Variants in CHRM3 observed in about 807,000 individuals in gnomAD.
The protein encoded by CHRM3 is cholinergic receptor muscarinic 3.
In CHRM3, 11 loss-of-function variants were observed where a neutral mutation model predicts 41.8. That is an observed-to-expected ratio of 0.26 (90% CI 0.17 to 0.44). The LOEUF (loss-of-function observed/expected upper bound fraction) is 0.44. Ranked by LOEUF, CHRM3 falls within the 20% of genes least tolerant of loss-of-function variation. The pLI, the probability that CHRM3 is intolerant of heterozygous loss-of-function variation, is 1.00. For missense variants in CHRM3, 571 were observed against 745.4 expected, an observed-to-expected ratio of 0.77 and a Z score of 2.72; for synonymous variants, 297 against 301.4, an observed-to-expected ratio of 0.99 and a Z score of 0.15.
At chr1:239,575,743 A>G (rs1662270606) in intron 3 of CHRM3, among the ~76,000 whole-genome samples, 1 of 151,940 alleles carries the variant, frequency 6.6e-6, no homozygotes, top group Admixed American at 6.6e-5. Context: ...TTGCACTCCT[A>G]CAGGTGTGTA....
At chr1:239,536,345 C>T (rs1558299421) in intron 2 of CHRM3, among the ~76,000 whole-genome samples, 1 of 152,152 alleles carries the variant, frequency 6.6e-6, no homozygotes, top group Non-Finnish European at 1.5e-5. Context: ...TACAGTCATC[C>T]TCCTCCTGTT....
intron 4 of CHRM3, among the ~76,000 whole-genome samples, chr1:239,649,871 T>C (rs1163049120): frequency 1.3e-5 from 2 of 152,228 alleles, no homozygotes; most frequent in Non-Finnish European, 2.9e-5. Flanking sequence ...TTCCTTTTCC[T>C]AACTACAAGG....
rs531659871 is a variant in CHRM3 at position 239,681,550 on chromosome 1, C to T, written c.-147+3262C>T. The stretch of plus-strand genomic sequence containing the variant: ...AAGATCAAGCCTCTGTGTTTAAAAA[C>T]GTAGCTAAAAACATGTATATGACAT... On this transcript the variant is annotated intron_variant, in intron 5 of 6. Transcript: ENST00000676153. Among the ~76,000 whole-genome samples the T allele has an allele frequency of 2.6e-4, 40 of 152,218 alleles. No individual in the cohort carries two copies. In the South Asian group the frequency reaches 5.6e-3, roughly 21 times the overall value.
chr1:239,811,031 A>T (rs770092429), intron 5 of CHRM3, among the ~76,000 whole-genome samples: 2 of 152,228 alleles, frequency 1.3e-5, no homozygotes, highest in Non-Finnish European at 2.9e-5. Context: ...CAAATTAAAC[A>T]TATATGTGTG....
chr1:239,874,322 TATATAC>T (rs948348335), intron 6 of CHRM3, among the ~76,000 whole-genome samples: 3 of 102,084 alleles, frequency 2.9e-5, no homozygotes, highest in African/African-American at 1.0e-4. Context: ...TATATATATA[TATATAC>T]ACAGTTGACC....
Position 239,645,005 on chromosome 1 carries a change from C to T in CHRM3, c.-250+12719C>T, listed in dbSNP as rs556511423. Reference sequence around the variant, plus strand: ...AACACCATGCTCCCTGGTGTTCAACCTGTACTGCTACTTCCTCCATCAGCT... The same window carrying T: ...AACACCATGCTCCCTGGTGTTCAACTTGTACTGCTACTTCCTCCATCAGCT... On this transcript the variant is annotated intron_variant, in intron 4 of 6. Coordinates refer to ENST00000676153, the MANE Select transcript of CHRM3 (RefSeq NM_001375978.1). Among the ~76,000 whole-genome samples the T allele has an allele frequency of 2.5e-4, 38 of 152,328 alleles. No homozygotes were observed. In the South Asian group the frequency reaches 7.7e-3, roughly 31 times the overall value.
At position 239,913,693 on chromosome 1, in the gene CHRM3, A is replaced by C. The variant is rs529320551; in HGVS notation, c.*4469A>C. 1 of 167,084 alleles carries C rather than the reference A, an allele frequency of 6.0e-6. No homozygotes were observed. Among genetic ancestry groups the C allele is most frequent in the East Asian group, 1.9e-4 (1 of 5,188 alleles). The allele number at this position is 167,084 out of a possible 1,614,324, so 10.4% of individuals were successfully genotyped here. On this transcript the variant is annotated 3_prime_UTR_variant, in exon 7 of 7. Coordinates refer to ENST00000676153, the MANE Select transcript of CHRM3 (RefSeq NM_001375978.1). ...CTGGGAAGGGAGGCTCATGATAAGA[A>C]AATAAAAATGAGAAAAGAAGATCTA...
At chr1:239,533,684 T>A (rs12057489) in intron 2 of CHRM3, among the ~76,000 whole-genome samples, 1 of 145,092 alleles carries the variant, frequency 6.9e-6, no homozygotes, top group Non-Finnish European at 1.5e-5. Context: ...TGAGCCGAGA[T>A]TGGACCATTG....
At chr1:239,832,806 C>T (rs995271331) in intron 6 of CHRM3, among the ~76,000 whole-genome samples, 1 of 151,964 alleles carries the variant, frequency 6.6e-6, no homozygotes, top group Non-Finnish European at 1.5e-5. Context: ...TTGCACGTAT[C>T]GATATTATTA....
chr1:239,673,916 TA>T (rs1403666112), intron 4 of CHRM3, among the ~76,000 whole-genome samples: 1 of 152,114 alleles, frequency 6.6e-6, no homozygotes. Context: ...ACTCCAAATC[TA>T]AAACACTCCA....
chr1:239,691,073 G>A (rs1659668517), intron 5 of CHRM3, among the ~76,000 whole-genome samples: 1 of 152,046 alleles, frequency 6.6e-6, no homozygotes, highest in Non-Finnish European at 1.5e-5. Flanking sequence ...AATTTTGCTG[G>A]ACTCTAATGG....
chr1:239,882,960 G>A (rs928366398), intron 6 of CHRM3, among the ~76,000 whole-genome samples: 2 of 152,226 alleles, frequency 1.3e-5, no homozygotes, highest in African/African-American at 4.8e-5. Flanking sequence ...GCAGAGAAAG[G>A]CATCTCTTCA....
At chr1:239,820,107 T>A (rs879913531) in intron 5 of CHRM3, among the ~76,000 whole-genome samples, 12 of 152,316 alleles carry the variant, frequency 7.9e-5, no homozygotes, top group Admixed American at 7.8e-4. Context: ...ACTTCCCCTT[T>A]ACCCTCAGAA....
At chr1:239,671,047 C>T (rs925275232) in intron 4 of CHRM3, among the ~76,000 whole-genome samples, 13 of 152,238 alleles carry the variant, frequency 8.5e-5, no homozygotes, top group East Asian at 1.9e-4. Context: ...AGTTGCTTCC[C>T]GTCTCTGCCA....
At chr1:239,677,558 C>T (rs575136763) in intron 4 of CHRM3, among the ~76,000 whole-genome samples, 15 of 152,202 alleles carry the variant, frequency 9.9e-5, no homozygotes, top group Admixed American at 9.8e-4. Flanking sequence ...TGCTGAGTCA[C>T]CACAAAGCAG....
At chr1:239,530,216 T>C (rs1336194948) in intron 2 of CHRM3, among the ~76,000 whole-genome samples, 1 of 152,174 alleles carries the variant, frequency 6.6e-6, no homozygotes, top group Non-Finnish European at 1.5e-5. Flanking sequence ...ATTATTTTTT[T>C]TGTTACTTTT....
chr1:239,619,435 G>A (rs1668108063), intron 3 of CHRM3, among the ~76,000 whole-genome samples: 1 of 152,070 alleles, frequency 6.6e-6, no homozygotes, highest in Non-Finnish European at 1.5e-5. Flanking sequence ...CCTACATATA[G>A]AACAAAATAT....
chr1:239,769,181 C>T (rs530098485), intron 5 of CHRM3, among the ~76,000 whole-genome samples: 1 of 152,250 alleles, frequency 6.6e-6, no homozygotes, highest in East Asian at 1.9e-4. Flanking sequence ...TTGACACTTG[C>T]CTTTCCCTCC....
chr1:239,564,706 C>T (rs752099178), intron 3 of CHRM3, among the ~76,000 whole-genome samples: 5 of 152,116 alleles, frequency 3.3e-5, no homozygotes, highest in Non-Finnish European at 7.3e-5. Context: ...TCTTACCCCA[C>T]AGTCATTAAG....
Sources: allele counts gnomAD v4.1 joint callset (sites outside exome capture counted in the v4.1 genomes callset), GRCh38; gene constraint gnomAD v4.1.1; transcripts MANE v1.5; gene names NCBI Gene and HGNC (gene_info 2026-07-23, HGNC 2026-07-21).